MEGF9: variants seen among roughly 807,000 people sequenced by gnomAD.
MEGF9 encodes multiple EGF like domains 9.
In MEGF9, 6 loss-of-function variants were observed where a neutral mutation model predicts 46.8. The ratio of observed to expected loss-of-function variants is 0.13; its 90% CI spans 0.07 to 0.25. The LOEUF (loss-of-function observed/expected upper bound fraction) is 0.25, where lower values mean the gene tolerates loss of function less well. Among genes scored for constraint, MEGF9 ranks in the 10% least tolerant of loss-of-function variants. The pLI is 1.00. For missense variants in MEGF9, 683 were observed against 792.4 expected, an observed-to-expected ratio of 0.86 and a Z score of 1.66; for synonymous variants, 302 against 330.7, an observed-to-expected ratio of 0.91 and a Z score of 0.94.
chr9:120,693,327 AG>A (rs2043859803), intron 1 of MEGF9, among the ~76,000 whole-genome samples: 1 of 151,722 alleles, frequency 6.6e-6, no homozygotes, highest in Non-Finnish European at 1.5e-5. Flanking sequence ...AAGGAAAAAG[AG>A]GATGATACCA....
At chr9:120,664,707 A>G (rs1358640001) in intron 1 of MEGF9, among the ~76,000 whole-genome samples, 4 of 152,210 alleles carry the variant, frequency 2.6e-5, no homozygotes, top group Non-Finnish European at 5.9e-5. Flanking sequence ...GCACTTAAGC[A>G]TAGATTACTA....
intron 1 of MEGF9, among the ~76,000 whole-genome samples, chr9:120,686,426 A>G (rs1188717128): frequency 6.6e-6 from 1 of 152,228 alleles, no homozygotes; most frequent in Admixed American, 6.5e-5. Flanking sequence ...TGCAAGATGA[A>G]AAAGTTCTGG....
chr9:120,659,197 T>TAAA (rs1383164940), intron 2 of MEGF9, among the ~76,000 whole-genome samples, 177 bp downstream of exon 2: 2 of 152,354 alleles, frequency 1.3e-5, no homozygotes, highest in Admixed American at 1.3e-4. Context: ...TAGATGTTTT[T>TAAA]AAATCCTGAC....
chr9:120,668,195 T>G (rs190585357), intron 1 of MEGF9, among the ~76,000 whole-genome samples: 2 of 152,192 alleles, frequency 1.3e-5, no homozygotes, highest in Non-Finnish European at 2.9e-5. Context: ...GAAAAGGAAT[T>G]ATCAACACAA....
At chr9:120,642,799 G>A (rs2043608726) in intron 2 of MEGF9, among the ~76,000 whole-genome samples, 2 of 152,208 alleles carry the variant, frequency 1.3e-5, no homozygotes, top group African/African-American at 2.4e-5. Context: ...ACTGGCAAAA[G>A]AGAAGGAAGA....
At chr9:120,647,137 GAA>G (rs1204475943) in intron 2 of MEGF9, among the ~76,000 whole-genome samples, 1 of 150,550 alleles carries the variant, frequency 6.6e-6, no homozygotes, top group East Asian at 1.9e-4. Context: ...CCGAGACCTG[GAA>G]AAAAGTTTTT....
At chr9:120,693,274 C>CAAAAAA (rs1564429366) in intron 1 of MEGF9, among the ~76,000 whole-genome samples, 1 of 24,806 alleles carries the variant, frequency 4.0e-5, no homozygotes, top group African/African-American at 8.4e-5. Context: ...GTCTGGTTAA[C>CAAAAAA]CAAAAAAAAA....
At chr9:120,667,360 T>C (rs1253174490) in intron 1 of MEGF9, among the ~76,000 whole-genome samples, 2 of 152,222 alleles carry the variant, frequency 1.3e-5, no homozygotes, top group Non-Finnish European at 2.9e-5. Flanking sequence ...TCTTTTCCCT[T>C]TGGCTCCAAC....
Position 120,714,424 on chromosome 9 carries a change from A to AACC in MEGF9, c.-69_-67dup, listed in dbSNP as rs1343555681. On this transcript the variant is annotated 5_prime_UTR_variant, in exon 1 of 6. Coordinates refer to ENST00000373930, the MANE Select transcript of MEGF9 (RefSeq NM_001080497.3). ...GCAATCCGACCAAGGAAGCCTCCGCAACCGCCGCCGCCACCGCCACCGGGC... is the reference window on the plus strand; with the variant it reads ...GCAATCCGACCAAGGAAGCCTCCGCAACCACCGCCGCCGCCACCGCCACCGGGC... 5 of 1,207,434 alleles carry AACC rather than the reference A, an allele frequency of 4.1e-6. No homozygotes were observed. Among genetic ancestry groups the AACC allele is most frequent in the Non-Finnish European group, 4.2e-6 (4 of 958,666 alleles). 74.8% of individuals were successfully genotyped at this position (1,207,434 alleles called of 1,614,324 possible).
At chr9:120,668,653 T>C (rs1054988139) in intron 1 of MEGF9, among the ~76,000 whole-genome samples, 6 of 152,226 alleles carry the variant, frequency 3.9e-5, no homozygotes, top group African/African-American at 1.4e-4. Context: ...TGGAAAAGGT[T>C]GTAAAGGCTA....
At chr9:120,612,274 T>G in intron 4 of MEGF9, 122 bp downstream of exon 4, 1 of 837,572 alleles carries the variant, frequency 1.2e-6, no homozygotes, top group Non-Finnish European at 1.7e-6. Context: ...GGAAAACTTT[T>G]GCTGTTTTTA....
chr9:120,610,544 T>C (rs2043440147), intron 4 of MEGF9, among the ~76,000 whole-genome samples: 1 of 152,234 alleles, frequency 6.6e-6, no homozygotes, highest in South Asian at 2.1e-4. Context: ...TGAAATGTCC[T>C]TCCTTCTCCT....
intron 1 of MEGF9, among the ~76,000 whole-genome samples, chr9:120,711,844 T>TACATACACACAC (rs1483546554): frequency 5.3e-4 from 76 of 143,568 alleles, no homozygotes; most frequent in African/African-American, 1.8e-3. Context: ...CATACATACA[T>TACATACACACAC]ACACACACAC....
chr9:120,660,092 G>T (rs2043695458), intron 1 of MEGF9, among the ~76,000 whole-genome samples: 1 of 151,828 alleles, frequency 6.6e-6, no homozygotes, highest in Non-Finnish European at 1.5e-5. Flanking sequence ...AATAAAACCA[G>T]AGGAGAAAGT....
At chr9:120,675,910 A>AC (rs1491469861) in intron 1 of MEGF9, among the ~76,000 whole-genome samples, 3 of 150,056 alleles carry the variant, frequency 2.0e-5, no homozygotes, top group Non-Finnish European at 3.0e-5. Context: ...AAAAAAAAAA[A>AC]CAACCTATTC....
At position 120,650,416 on chromosome 9, in the gene MEGF9, C is replaced by T. The variant is rs867588107; in HGVS notation, c.803+8958G>A. 4.6e-5 allele frequency among the ~76,000 whole-genome samples: 7 copies of T among 152,334 alleles called. No individual in the cohort carries two copies. In the South Asian group the frequency reaches 6.2e-4, roughly 14 times the overall value. ...TTTGAAATGTGTTTCAAAAGCAAAACTGAAAAGTTCAGATACTGTACACCA... is the reference window on the plus strand; with the variant it reads ...TTTGAAATGTGTTTCAAAAGCAAAATTGAAAAGTTCAGATACTGTACACCA... On this transcript the variant is annotated intron_variant, in intron 2 of 5. Coordinates refer to ENST00000373930, the MANE Select transcript of MEGF9 (RefSeq NM_001080497.3).
At chr9:120,701,988 A>G (rs1159119157) in intron 1 of MEGF9, among the ~76,000 whole-genome samples, 2 of 152,066 alleles carry the variant, frequency 1.3e-5, no homozygotes, top group East Asian at 3.9e-4. Flanking sequence ...GCTTGCAGTG[A>G]GCCGAGATCA....
chr9:120,711,543 G>T (rs2043953071), intron 1 of MEGF9, among the ~76,000 whole-genome samples: 2 of 152,154 alleles, frequency 1.3e-5, no homozygotes, highest in African/African-American at 4.8e-5. Flanking sequence ...AGGCAGTGAA[G>T]GAGTGACTTT....
chr9:120,681,203 T>C (rs1165801366), intron 1 of MEGF9, among the ~76,000 whole-genome samples: 1 of 150,108 alleles, frequency 6.7e-6, no homozygotes, highest in Non-Finnish European at 1.5e-5. Context: ...TGGCTACTGC[T>C]GCTGGTTATT....
Sources: allele counts gnomAD v4.1 joint callset (sites outside exome capture counted in the v4.1 genomes callset), GRCh38; gene constraint gnomAD v4.1.1; transcripts MANE v1.5; gene names NCBI Gene and HGNC (gene_info 2026-07-23, HGNC 2026-07-21).